FABP5: variants seen among roughly 807,000 people sequenced by gnomAD.
FABP5 encodes the protein fatty acid binding protein 5.
Under a neutral mutation model 16.9 loss-of-function variants are expected in FABP5, and 7 were observed. That is an observed-to-expected ratio of 0.41 (90% CI 0.24 to 0.78). The LOEUF (loss-of-function observed/expected upper bound fraction) is 0.78, where lower values mean the gene tolerates loss of function less well. Among genes scored for constraint, FABP5 ranks in the 30% least tolerant of loss-of-function variants. The pLI is 0.30. For synonymous variants in FABP5, 37 were observed against 52.8 expected (o/e 0.70, Z 1.30); for missense variants, 119 against 159.5 (o/e 0.75, Z 1.37).
Position 81,281,880 on chromosome 8 carries a change from T to C in FABP5, c.79+1206T>C, listed in dbSNP as rs1228534910. On this transcript the variant is annotated intron_variant, in intron 1 of 3. Transcript: ENST00000297258. This position sits in a 1 kb window ranked among gnomAD's most constrained non-coding sequence, Gnocchi z 4.5. ...TTCCAGCCCTAAGGGATGGCTGGGA[T>C]TTATGAGGGTGCTTCAGAAGCCGGT... Among the ~76,000 whole-genome samples, 1 of 151,986 alleles carries C rather than the reference T, an allele frequency of 6.6e-6. No individual in the cohort carries two copies. The highest frequency in any genetic ancestry group is 1.5e-5 in the Non-Finnish European group (1 of 67,974).
rs1179513596 is a variant in FABP5, at chr8:81,283,878, C to G, written c.258C>G (p.Val86=). The change falls in exon 3 of 4, where the codon GTC becomes GTG. Residue 86 remains valine (V), a synonymous_variant. Coordinates refer to ENST00000297258, the MANE Select transcript of FABP5 (RefSeq NM_001444.3). ...CGTTTACTTTGTTTTTGCAGACTGT[C>G]TGCAACTTTACAGATGGTGCATTGG... is the stretch of plus-strand genomic sequence containing the variant. The part of the protein sequence containing the change: ...TTADGRKTQT[V]CNFTDGALVQ... The G allele has an allele frequency of 6.2e-7, 1 of 1,611,004 alleles. No individual in the cohort carries two copies.
At position 81,281,033 on chromosome 8, in the gene FABP5, C is replaced by T. The variant is rs371671013; in HGVS notation, c.79+359C>T. 68 of 225,290 alleles carry T rather than the reference C, an allele frequency of 3.0e-4. 1 individual carries two copies. Among genetic ancestry groups the T allele is most frequent in the African/African-American group, 1.4e-3 (62 of 43,312 alleles). The allele number at this position is 225,290 out of a possible 1,614,324, so 14.0% of individuals were successfully genotyped here. A position where few individuals can be genotyped will look rare whatever the true frequency, so the allele number is the denominator to read the frequency against. ...CCGTCACCTCACGCTGCACTTCTTT[C>T]GACCCCCTCCAGGCGACCCTGTATT... On this transcript the variant is annotated intron_variant, in intron 1 of 3. Transcript: ENST00000297258. This position sits in a 1 kb window ranked among gnomAD's most constrained non-coding sequence, Gnocchi z 4.5.
At position 81,284,587 on chromosome 8, in the gene FABP5, G is replaced by A. The variant is rs1280504500; in HGVS notation, c.*20G>A. Reference sequence around the variant, plus strand: ...GAATAAAAATTCCATCATCACTTTGGACAGGAGTTAATTAAGAGAATGACC... The same window carrying A: ...GAATAAAAATTCCATCATCACTTTGAACAGGAGTTAATTAAGAGAATGACC... On this transcript the variant is annotated 3_prime_UTR_variant, in exon 4 of 4. Transcript: ENST00000297258. 1 of 1,435,484 alleles carries A rather than the reference G, an allele frequency of 7.0e-7. No homozygotes were observed. Among genetic ancestry groups the A allele is most frequent in the East Asian group, 2.3e-5 (1 of 44,062 alleles). 88.9% of individuals were successfully genotyped at this position (1,435,484 alleles called of 1,614,324 possible). A position where few individuals can be genotyped will look rare whatever the true frequency, so the allele number is the denominator to read the frequency against.
At chr8:81,280,794 C>T in intron 1 of FABP5, 120 bp downstream of exon 1, 1 of 886,724 alleles carries the variant, frequency 1.1e-6, no homozygotes, top group Non-Finnish European at 1.8e-6. Context: ...ACCCCCATCC[C>T]CTCCCATCTT....
At position 81,283,857 on chromosome 8, in the gene FABP5, T is replaced by C. The variant is rs771704545; in HGVS notation, c.253-16T>C. On this transcript the variant is annotated splice_polypyrimidine_tract_variant and intron_variant, in intron 2 of 3. Transcript: ENST00000297258. ...AATGTACTTGGAAGATTAAAACGTT[T>C]ACTTTGTTTTTGCAGACTGTCTGCA... 6.3e-7 allele frequency: 1 copy of C among 1,599,310 alleles called. No homozygotes were observed. Among genetic ancestry groups the C allele is most frequent in the African/African-American group, 1.3e-5 (1 of 74,346 alleles).
intron 1 of FABP5, 192 bp downstream of exon 1, chr8:81,280,866 A>G (rs2131266919): frequency 1.8e-6 from 1 of 570,814 alleles, no homozygotes; most frequent in East Asian, 3.1e-5. Context: ...GGCGAGGAGC[A>G]GGGAGCGTGC....
At position 81,284,625 on chromosome 8, in the gene FABP5, A is replaced by AC; in HGVS notation, c.*58_*59insC. 1.1e-6 allele frequency: 1 copy of AC among 934,430 alleles called. No individual in the cohort carries two copies. Among genetic ancestry groups the AC allele is most frequent in the Non-Finnish European group, 1.7e-6 (1 of 584,414 alleles). 57.9% of individuals were successfully genotyped at this position (934,430 alleles called of 1,614,324 possible). ...TAAGAGAATGACCAAGCTCAGTTCA[A>AC]TGAGCAAATCTCCATACTGTTTCTT... On this transcript the variant is annotated 3_prime_UTR_variant, in exon 4 of 4. Coordinates refer to ENST00000297258, the MANE Select transcript of FABP5 (RefSeq NM_001444.3).
intron 2 of FABP5, 90 bp downstream of exon 2, chr8:81,283,628 T>C (rs1807868993): frequency 1.5e-6 from 2 of 1,328,558 alleles, no homozygotes; most frequent in Non-Finnish European, 2.0e-6. Context: ...AAGAACTTAA[T>C]GAAAAAGTTA....
rs903615151 is a variant in FABP5, at chr8:81,280,564, C to T, written c.-32C>T. The T allele has an allele frequency of 1.6e-5, 24 of 1,546,338 alleles. No individual in the cohort carries two copies. In the Admixed American group the frequency reaches 3.5e-4, roughly 23 times the overall value. On this transcript the variant is annotated 5_prime_UTR_variant, in exon 1 of 4. Transcript: ENST00000297258. ...GCACGCTGCCACGCCGACGCAGACC[C>T]CTCTCTGCACGCCAGCCCGCCCGCA...
chr8:81,284,282 A>C, intron 3 of FABP5: 1 of 528,412 alleles, frequency 1.9e-6, no homozygotes, highest in Non-Finnish European at 3.3e-6. Flanking sequence ...TATTTGCCAT[A>C]ACCAAAAGAA....
Position 81,280,610 on chromosome 8 carries a change from G to C in FABP5, c.15G>C (p.Gln5His), listed in dbSNP as rs1454715447. Residue 5 changes from glutamine (Q) to histidine (H), a missense_variant, in exon 1 of 4, where the codon CAG becomes CAC. Gln to His is a conservative substitution (Grantham distance 24). Coordinates refer to ENST00000297258, the MANE Select transcript of FABP5 (RefSeq NM_001444.3). Reference protein sequence around the residue: MATVQQLEGRWRLVD... With the variant: MATVHQLEGRWRLVD... ...CCGCACCCACCATGGCCACAGTTCA[G>C]CAGCTGGAAGGAAGATGGCGCCTGG... 5.8e-6 allele frequency: 9 copies of C among 1,557,260 alleles called. No homozygotes were observed. The highest frequency in any genetic ancestry group is 6.1e-6 in the Non-Finnish European group (7 of 1,149,646).
At chr8:81,280,780 G>A in intron 1 of FABP5, 106 bp downstream of exon 1, 1 of 1,071,790 alleles carries the variant, frequency 9.3e-7, no homozygotes, top group Non-Finnish European at 1.4e-6. Flanking sequence ...ATGCTCGGCG[G>A]CCTACCCCCA....
Position 81,281,451 on chromosome 8 carries a change from G to A in FABP5, c.79+777G>A. On this transcript the variant is annotated intron_variant, in intron 1 of 3. Coordinates refer to ENST00000297258, the MANE Select transcript of FABP5 (RefSeq NM_001444.3). This position sits in a 1 kb window ranked among gnomAD's most constrained non-coding sequence, Gnocchi z 4.5. ...CCGGGCCGGGGCGCCGCAGTGGGCG[G>A]GTGGCCTGTGGGAGGAGCGCAATGA... The A allele has an allele frequency of 1.0e-6, 1 of 985,918 alleles. No homozygotes were observed. The highest frequency in any genetic ancestry group is 1.2e-6 in the Non-Finnish European group (1 of 830,390). The allele number at this position is 985,918 out of a possible 1,614,324, so 61.1% of individuals were successfully genotyped here.
In FABP5 at chr8:81,280,758, C is replaced by A. The variant is rs1807813752; in HGVS notation, c.79+84C>A. On this transcript the variant is annotated intron_variant, in intron 1 of 3. Coordinates refer to ENST00000297258, the MANE Select transcript of FABP5 (RefSeq NM_001444.3). ...TAGGTCCCCGTCAGCGTGCCAGATT[C>A]TGGGGCAGGAGATGCTCGGCGGCCT... 2.3e-6 allele frequency: 3 copies of A among 1,313,742 alleles called. No homozygotes were observed. The South Asian group carries it at 3.9e-5, about 17-fold the overall frequency. 81.4% of individuals were successfully genotyped at this position (1,313,742 alleles called of 1,614,324 possible). A position where few individuals can be genotyped will look rare whatever the true frequency, so the allele number is the denominator to read the frequency against.
At chr8:81,282,614 T>C (rs978034917) in intron 1 of FABP5, among the ~76,000 whole-genome samples, 2 of 152,124 alleles carry the variant, frequency 1.3e-5, no homozygotes, top group African/African-American at 4.8e-5. Context: ...TGAGGGGAAA[T>C]TGATAGATCA....
Position 81,281,165 on chromosome 8 carries a change from C to T in FABP5, c.79+491C>T. 1 of 198,466 alleles carries T rather than the reference C, an allele frequency of 5.0e-6. No individual in the cohort carries two copies. Among genetic ancestry groups the T allele is most frequent in the Non-Finnish European group, 9.1e-6 (1 of 109,970 alleles). 12.3% of individuals were successfully genotyped at this position (198,466 alleles called of 1,614,324 possible). A position where few individuals can be genotyped will look rare whatever the true frequency, so the allele number is the denominator to read the frequency against. Reference sequence around the variant, plus strand: ...ACTCCCCTTTCCCTCCCTGTCGCATCTTTTGTTCCCTGTGGCGCGCAGGTC... The same window carrying T: ...ACTCCCCTTTCCCTCCCTGTCGCATTTTTTGTTCCCTGTGGCGCGCAGGTC... On this transcript the variant is annotated intron_variant, in intron 1 of 3. Coordinates refer to ENST00000297258, the MANE Select transcript of FABP5 (RefSeq NM_001444.3). The surrounding 1 kb of genome is among the most constrained non-coding windows in gnomAD (Gnocchi z 4.5).
Position 81,281,667 on chromosome 8 carries a change from T to C in FABP5, c.79+993T>C, listed in dbSNP as rs1012160909. 1 of 985,218 alleles carries C rather than the reference T, an allele frequency of 1.0e-6. No homozygotes were observed. The highest frequency in any genetic ancestry group is 1.7e-5 in the African/African-American group (1 of 57,246). The allele number at this position is 985,218 out of a possible 1,614,324, so 61.0% of individuals were successfully genotyped here. The stretch of plus-strand genomic sequence containing the variant: ...GAAGCGTTCCGAGGGAGAATGAATC[T>C]CAGTAGTAAGATTCATTTCTCACTC... On this transcript the variant is annotated intron_variant, in intron 1 of 3. Transcript: ENST00000297258. The surrounding 1 kb of genome is among the most constrained non-coding windows in gnomAD (Gnocchi z 4.5).
rs770362088 is a variant in FABP5, at chr8:81,283,467, A to C, written c.181A>C (p.Lys61Gln). ...CACCATAAAAACTGAGAGCACTTTG[A>C]AAACAACACAGTTTTCTTGTACCCT... ...NLTIKTESTL[K>Q]TTQFSCTLGE... Residue 61 changes from lysine (K) to glutamine (Q), a missense_variant, in exon 2 of 4, where the codon AAA becomes CAA. Transcript: ENST00000297258. The C allele has an allele frequency of 6.2e-7, 1 of 1,613,294 alleles. No individual in the cohort carries two copies. Among genetic ancestry groups the C allele is most frequent in the Non-Finnish European group, 8.5e-7 (1 of 1,179,640 alleles).
At chr8:81,282,537 A>G (rs1232335141) in intron 1 of FABP5, among the ~76,000 whole-genome samples, 10 of 152,202 alleles carry the variant, frequency 6.6e-5, no homozygotes, top group Admixed American at 6.5e-4. Flanking sequence ...GCCTGGATCT[A>G]AGATTCCTTA....
Sources: allele counts gnomAD v4.1 joint callset (sites outside exome capture counted in the v4.1 genomes callset), GRCh38; gene constraint gnomAD v4.1.1; non-coding constraint Gnocchi (gnomAD v3.1); transcripts MANE v1.5; gene names NCBI Gene and HGNC (gene_info 2026-07-23, HGNC 2026-07-21).